The following CACNG3 variants were observed in gnomAD, a reference collection of about 807,000 sequenced individuals.
The protein encoded by CACNG3 is voltage-dependent calcium channel gamma-3 subunit.
A neutral mutation model predicts 28.5 loss-of-function variants in CACNG3; 3 were observed. That is an observed-to-expected ratio of 0.11 (90% CI 0.05 to 0.27). The LOEUF (loss-of-function observed/expected upper bound fraction) is 0.27. Among genes scored for constraint, CACNG3 ranks in the 10% least tolerant of loss-of-function variants. CACNG3 has a pLI of 1.00. For missense variants in CACNG3, 236 were observed against 414.4 expected (o/e 0.57, Z 3.74); for synonymous variants, 174 against 162.2 (o/e 1.07, Z -0.55).
chr16:24,274,740 T>G (rs1356812547), intron 1 of CACNG3, among the ~76,000 whole-genome samples: 1 of 152,174 alleles, frequency 6.6e-6, no homozygotes, highest in African/African-American at 2.4e-5. Context: ...CGGGGAGCCA[T>G]TAGCACTTAA....
At chr16:24,289,624 C>T (rs1898939806) in intron 1 of CACNG3, among the ~76,000 whole-genome samples, 1 of 152,178 alleles carries the variant, frequency 6.6e-6, no homozygotes, top group Admixed American at 6.5e-5. Flanking sequence ...ATTCTAGCTC[C>T]CTACAGGGTT....
At chr16:24,340,063 A>C (rs1487693368) in intron 1 of CACNG3, among the ~76,000 whole-genome samples, 1 of 152,174 alleles carries the variant, frequency 6.6e-6, no homozygotes, top group Non-Finnish European at 1.5e-5. Flanking sequence ...TGAGTCCAGC[A>C]GTTCAAGATC....
At chr16:24,273,851 T>C (rs113487168) in intron 1 of CACNG3, among the ~76,000 whole-genome samples, 1,808 of 152,290 alleles carry the variant, frequency 0.012, 18 homozygotes, top group Non-Finnish European at 0.018. Flanking sequence ...GGAGTTTTTT[T>C]AACAGATCAT....
chr16:24,308,839 C>CAAAA (rs71154298), intron 1 of CACNG3, among the ~76,000 whole-genome samples: 139 of 27,276 alleles, frequency 5.1e-3, no homozygotes, highest in East Asian at 6.7e-3. Context: ...GAACCTACCT[C>CAAAA]AAAAAAAAAA....
chr16:24,302,204 C>CTTT (rs1461113049), intron 1 of CACNG3, among the ~76,000 whole-genome samples: 1 of 152,192 alleles, frequency 6.6e-6, no homozygotes, highest in Non-Finnish European at 1.5e-5. Flanking sequence ...ACAATGTAGC[C>CTTT]TGAGTAACGT....
At chr16:24,358,868 C>T (rs531572526) in intron 3 of CACNG3, among the ~76,000 whole-genome samples, 1 of 152,180 alleles carries the variant, frequency 6.6e-6, no homozygotes, top group African/African-American at 2.4e-5. Flanking sequence ...TGTCTGTTTC[C>T]CCATCTGTAA....
intron 1 of CACNG3, among the ~76,000 whole-genome samples, chr16:24,304,532 G>C (rs188411185): frequency 7.9e-5 from 12 of 152,044 alleles, no homozygotes; most frequent in Non-Finnish European, 1.6e-4. Context: ...ACCAGCCCTG[G>C]GAGTGCGCTA....
intron 2 of CACNG3, among the ~76,000 whole-genome samples, chr16:24,352,142 A>G (rs1360632954): frequency 1.3e-5 from 2 of 152,028 alleles, no homozygotes; most frequent in African/African-American, 4.8e-5. Context: ...ATTTTCAGAA[A>G]ACTGAAAACA....
intron 1 of CACNG3, among the ~76,000 whole-genome samples, chr16:24,320,769 G>T (rs1899445045): frequency 6.6e-6 from 1 of 152,078 alleles, no homozygotes; most frequent in Non-Finnish European, 1.5e-5. Flanking sequence ...TTGCTCTGTA[G>T]TCCAGGCTGG....
intron 2 of CACNG3, 43 bp from the exon 3 acceptor site, chr16:24,354,790 G>A (rs1341652507): frequency 6.3e-7 from 1 of 1,598,416 alleles, no homozygotes; most frequent in Non-Finnish European, 8.5e-7. Flanking sequence ...GACCCCAGGG[G>A]CTGGCTGGGC....
At chr16:24,283,512 G>A (rs1414039061) in intron 1 of CACNG3, among the ~76,000 whole-genome samples, 1 of 152,188 alleles carries the variant, frequency 6.6e-6, no homozygotes, top group Non-Finnish European at 1.5e-5. Context: ...AGGCTAGTAT[G>A]ACTGGTAGGT....
At chr16:24,345,211 C>T (rs946017701) in intron 1 of CACNG3, among the ~76,000 whole-genome samples, 6 of 152,222 alleles carry the variant, frequency 3.9e-5, no homozygotes, top group African/African-American at 1.4e-4. Flanking sequence ...CTGTCTGATT[C>T]CGAACCTTGT....
chr16:24,324,629 C>A (rs952958568), intron 1 of CACNG3, among the ~76,000 whole-genome samples: 1 of 152,174 alleles, frequency 6.6e-6, no homozygotes, highest in Admixed American at 6.5e-5. Context: ...AAATGCATAT[C>A]CTATCATATC....
chr16:24,296,411 C>T (rs919283547), intron 1 of CACNG3, among the ~76,000 whole-genome samples: 1 of 152,220 alleles, frequency 6.6e-6, no homozygotes, highest in Non-Finnish European at 1.5e-5. Flanking sequence ...AGACACCCAG[C>T]TGTGCACAAA....
rs1043881996 is a variant in CACNG3 at position 24,346,596 on chromosome 16, C to G, written c.212-138C>G. 11 of 625,902 alleles carry G rather than the reference C, an allele frequency of 1.8e-5. No homozygotes were observed. The African/African-American group carries it at 2.0e-4, about 12-fold the overall frequency. 38.8% of individuals were successfully genotyped at this position (625,902 alleles called of 1,614,324 possible). On this transcript the variant is annotated intron_variant, in intron 1 of 3. Coordinates refer to ENST00000005284, the MANE Select transcript of CACNG3 (RefSeq NM_006539.4). ...CTGTCTCTAATAAAAAATAAAGGTG[C>G]TCTTGGGCCTACCAGCCCAACAACC...
rs141000578 is a variant in CACNG3 at position 24,302,523 on chromosome 16, T to C, written c.212-44211T>C. Among the ~76,000 whole-genome samples, 1,250 of 152,152 alleles carry C rather than the reference T, an allele frequency of 8.2e-3. 12 individuals are homozygous for C. The highest frequency in any genetic ancestry group is 0.014 in the Non-Finnish European group (955 of 67,996). On this transcript the variant is annotated intron_variant, in intron 1 of 3. Coordinates refer to ENST00000005284, the MANE Select transcript of CACNG3 (RefSeq NM_006539.4). ...ATGCTGGAGTGCAGTGGCATCATCA[T>C]AGCTCCCTGCAGCCTTGAACTCCTG...
chr16:24,316,505 T>C (rs1405491103), intron 1 of CACNG3, among the ~76,000 whole-genome samples: 2 of 152,210 alleles, frequency 1.3e-5, no homozygotes, highest in Non-Finnish European at 2.9e-5. Context: ...GGACATGGCC[T>C]GCTTTTCTGT....
intron 1 of CACNG3, among the ~76,000 whole-genome samples, chr16:24,324,640 ACT>A (rs1193458939): frequency 1.3e-5 from 2 of 151,616 alleles, no homozygotes; most frequent in Non-Finnish European, 2.9e-5. Flanking sequence ...CTATCATATC[ACT>A]CTCCTGCTTA....
chr16:24,348,044 A>G (rs992879357), intron 2 of CACNG3, among the ~76,000 whole-genome samples: 2 of 152,180 alleles, frequency 1.3e-5, no homozygotes, highest in African/African-American at 4.8e-5. Flanking sequence ...CAAGGCACAG[A>G]GAGAACTTGA....
Sources: gnomAD v4.1 joint callset for allele counts (sites outside exome capture counted in the v4.1 genomes callset) on GRCh38, gnomAD v4.1.1 for gene constraint, MANE v1.5 for transcripts, NCBI Gene and HGNC (gene_info 2026-07-23, HGNC 2026-07-21) for gene names.